PYY: variants seen among roughly 807,000 people sequenced by gnomAD.
PYY encodes peptide YY, also known as peptide tyrosine tyrosine.
PYY carries 12 observed loss-of-function variants against 10.3 expected under a neutral mutation model. The ratio of observed to expected loss-of-function variants is 1.17; its 90% CI spans 0.75 to 1.89. The LOEUF is 1.89. Ranked by LOEUF, PYY falls within the 40% of genes most tolerant of loss-of-function variation. PYY has a pLI of 0.00. For synonymous variants in PYY, 66 were observed against 62.0 expected (o/e 1.06, Z -0.30); for missense variants, 141 against 134.0 (o/e 1.05, Z -0.26).
chr17:43,982,767 C>A (rs1192458050), intron 1 of PYY, among the ~76,000 whole-genome samples: 2 of 152,206 alleles, frequency 1.3e-5, no homozygotes. Flanking sequence ...GAGCCTGATG[C>A]CTGTGTTCAG....
chr17:43,977,442 G>A (rs569265956), intron 1 of PYY, among the ~76,000 whole-genome samples: 4 of 152,166 alleles, frequency 2.6e-5, no homozygotes, highest in South Asian at 4.1e-4. Flanking sequence ...ACTCCTGGAC[G>A]CCCCTTGCAC....
intron 1 of PYY, among the ~76,000 whole-genome samples, chr17:43,989,211 A>G (rs1028737269): frequency 6.6e-5 from 10 of 152,076 alleles, no homozygotes; most frequent in South Asian, 4.2e-4. Flanking sequence ...CGTCTCTGCT[A>G]AAAATACAAA....
intron 1 of PYY, among the ~76,000 whole-genome samples, chr17:43,984,192 C>T (rs2048901399): frequency 6.6e-6 from 1 of 152,232 alleles, no homozygotes; most frequent in Non-Finnish European, 1.5e-5. Context: ...GGGGAGCCTT[C>T]GCAGCCTCCG....
At chr17:44,002,744 C>T (rs966702387) in intron 1 of PYY, among the ~76,000 whole-genome samples, 1 of 152,232 alleles carries the variant, frequency 6.6e-6, no homozygotes, top group Non-Finnish European at 1.5e-5. Flanking sequence ...TTCTGTACCT[C>T]CATTTTCTCA....
chr17:43,967,706 T>TG (rs2048763905), intron 1 of PYY, among the ~76,000 whole-genome samples: 1 of 152,098 alleles, frequency 6.6e-6, no homozygotes, highest in African/African-American at 2.4e-5. Context: ...CTGTGAAACA[T>TG]GGACAGACAC....
intron 1 of PYY, among the ~76,000 whole-genome samples, chr17:43,968,450 A>G (rs576465125): frequency 6.6e-6 from 1 of 152,202 alleles, no homozygotes; most frequent in Non-Finnish European, 1.5e-5. Context: ...AAATGAAACA[A>G]AGATATTGTA....
At chr17:43,984,261 C>T (rs11871991) in intron 1 of PYY, among the ~76,000 whole-genome samples, 80,957 of 152,060 alleles carry the variant, frequency 0.53, 22,496 homozygotes, top group Middle Eastern at 0.76. Context: ...CCTGGCCGAA[C>T]CCGGTGCCCT....
chr17:43,968,865 T>C (rs2048770911), intron 1 of PYY, among the ~76,000 whole-genome samples: 1 of 151,878 alleles, frequency 6.6e-6, no homozygotes, highest in South Asian at 2.1e-4. Context: ...CCCAGCACTT[T>C]GGGAGGCCAA....
chr17:43,981,229 T>C (rs970700795), intron 1 of PYY, among the ~76,000 whole-genome samples: 2 of 152,128 alleles, frequency 1.3e-5, no homozygotes, highest in African/African-American at 4.8e-5. Context: ...GTTGAGTATA[T>C]ACACCTAGGA....
intron 1 of PYY, among the ~76,000 whole-genome samples, chr17:43,977,836 T>G (rs2048858732): frequency 6.6e-6 from 1 of 152,158 alleles, no homozygotes; most frequent in Admixed American, 6.5e-5. Context: ...ACAAGGATTC[T>G]TAAACGGGGT....
chr17:43,995,831 A>G (rs929027689), intron 1 of PYY, among the ~76,000 whole-genome samples: 1 of 147,200 alleles, frequency 6.8e-6, no homozygotes, highest in African/African-American at 2.5e-5. Context: ...ATCTCAATGA[A>G]AAAAAAAAAA....
At chr17:43,989,809 TAAAAAAA>T (rs1174890162) in intron 1 of PYY, among the ~76,000 whole-genome samples, 179 of 10,460 alleles carry the variant, frequency 0.017, 18 homozygotes, top group East Asian at 0.032. Context: ...GCTGTCTCTT[TAAAAAAA>T]AAAAAAAAAA....
At chr17:43,993,581 G>A (rs982303411) in intron 1 of PYY, among the ~76,000 whole-genome samples, 1 of 151,628 alleles carries the variant, frequency 6.6e-6, no homozygotes, top group Non-Finnish European at 1.5e-5. Flanking sequence ...AGCTGATATC[G>A]TGCCACTGCA....
chr17:43,955,757 G>A (rs1166130220), upstream of PYY, among the ~76,000 whole-genome samples: 1 of 152,146 alleles, frequency 6.6e-6, no homozygotes, highest in Non-Finnish European at 1.5e-5. Flanking sequence ...CCTTTGTCCT[G>A]TTTGGAGGGG....
In PYY at chr17:43,959,697, T is replaced by A. The variant is rs755166444; in HGVS notation, c.-217-1669A>T. Among the ~76,000 whole-genome samples the A allele has an allele frequency of 3.9e-5, 6 of 151,986 alleles. No individual in the cohort carries two copies. The East Asian group carries it at 1.2e-3, about 29-fold the overall frequency. Reference sequence around the variant, plus strand: ...ACTACGTCTCAAAAAAGAAAAAAAATAAAAATAAAAATAAAATGCTGGTGT... The same window carrying A: ...ACTACGTCTCAAAAAAGAAAAAAAAAAAAAATAAAAATAAAATGCTGGTGT... On this transcript the variant is annotated intron_variant, in intron 2 of 6. Coordinates refer to the PYY transcript ENST00000360085.
rs750198347 is a variant in PYY at position 43,953,458 on chromosome 17, G to A, written c.26C>T (p.Pro9Leu). 6 of 1,606,024 alleles carry A rather than the reference G, an allele frequency of 3.7e-6. No individual in the cohort carries two copies. Among genetic ancestry groups the A allele is most frequent in the South Asian group, 2.2e-5 (2 of 90,616 alleles). Residue 9 changes from proline to leucine, a missense_variant, in exon 2 of 4, where the codon CCC (proline) becomes CTC (leucine). Pro to Leu is a moderately conservative substitution (Grantham distance 98). Coordinates refer to ENST00000692052, the MANE Select transcript of PYY (RefSeq NM_001394028.1). ...GGCCAGAAGCACTGTGGTCAAGGCG[G>A]GCCACGGCCTGCGCACGAACACCAT... is the stretch of plus-strand genomic sequence containing the variant. The part of the protein sequence containing the change: MVFVRRPW[P>L]ALTTVLLALL...
Position 44,004,103 on chromosome 17 carries a change from T to C in PYY, c.-463+288A>G, listed in dbSNP as rs777354925. On this transcript the variant is annotated intron_variant, in intron 1 of 6. Coordinates refer to the PYY transcript ENST00000360085. ...TAAGTTTTGAGGGGTGTTTTGAGGA[T>C]ATCACAGAATTCCTCAAGCTGGTAC... 1.2e-4 allele frequency among the ~76,000 whole-genome samples: 18 copies of C among 152,184 alleles called. 1 individual carries two copies. Among genetic ancestry groups the C allele is most frequent in the Non-Finnish European group, 2.2e-4 (15 of 68,034 alleles).
intron 1 of PYY, among the ~76,000 whole-genome samples, chr17:43,969,515 C>CAA (rs71361552): frequency 0.49 from 44,522 of 90,180 alleles, 11,464 homozygotes; most frequent in Non-Finnish European, 0.6. Context: ...GACTCTGTCT[C>CAA]AAAAAAAAAA....
chr17:43,988,997 A>G (rs2048932778), intron 1 of PYY, among the ~76,000 whole-genome samples: 1 of 151,676 alleles, frequency 6.6e-6, no homozygotes, highest in Non-Finnish European at 1.5e-5. Context: ...CCTGACCTCA[A>G]GTGATCTGCC....
Sources: gnomAD v4.1 joint callset for allele counts (sites outside exome capture counted in the v4.1 genomes callset) on GRCh38, gnomAD v4.1.1 for gene constraint, MANE v1.5 for transcripts, NCBI Gene and HGNC (gene_info 2026-07-23, HGNC 2026-07-21) for gene names.